Variants in DLEU7 observed in about 807,000 individuals in gnomAD.
DLEU7 encodes the protein deleted in lymphocytic leukemia 7.
Under a neutral mutation model 16.0 loss-of-function variants are expected in DLEU7, and 17 were observed. The ratio of observed to expected loss-of-function variants is 1.06; its 90% CI spans 0.73 to 1.59. The LOEUF is 1.59. Among genes scored for constraint, DLEU7 ranks in the 40% most tolerant of loss-of-function variants. The pLI, the probability that DLEU7 is intolerant of heterozygous loss-of-function variation, is 0.00. For synonymous variants in DLEU7, 113 were observed against 139.8 expected (o/e 0.81, Z 1.35); for missense variants, 308 against 314.9 (o/e 0.98, Z 0.17).
At chr13:50,744,880 C>A (rs921524071) in intron 1 of DLEU7, among the ~76,000 whole-genome samples, 5 of 152,138 alleles carry the variant, frequency 3.3e-5, no homozygotes, top group Non-Finnish European at 7.4e-5. Flanking sequence ...CCACTTCACA[C>A]CTATTAGGAT....
intron 1 of DLEU7, among the ~76,000 whole-genome samples, chr13:50,815,742 C>T (rs1258810137): frequency 1.3e-5 from 2 of 152,130 alleles, no homozygotes; most frequent in Non-Finnish European, 2.9e-5. Flanking sequence ...AATGGTACAA[C>T]ATTTTCCCTA....
chr13:50,750,448 AT>A (rs553788955), intron 1 of DLEU7, among the ~76,000 whole-genome samples: 4 of 151,194 alleles, frequency 2.6e-5, no homozygotes, highest in South Asian at 4.2e-4. Context: ...GAATTTTAGA[AT>A]TTTTTTTTCT....
chr13:50,716,065 A>G (rs903021261), intron 1 of DLEU7, among the ~76,000 whole-genome samples: 2 of 152,264 alleles, frequency 1.3e-5, no homozygotes, highest in African/African-American at 4.8e-5. Flanking sequence ...AGTATTTGTT[A>G]GTAACTGAAA....
intron 1 of DLEU7, among the ~76,000 whole-genome samples, chr13:50,761,255 G>A (rs1453909426): frequency 6.6e-6 from 1 of 152,208 alleles, no homozygotes; most frequent in Non-Finnish European, 1.5e-5. Flanking sequence ...ATGTTTTATA[G>A]AGCTTTAGCA....
At chr13:50,748,228 CTTTTTTTT>C (rs71085044) in intron 1 of DLEU7, among the ~76,000 whole-genome samples, 25 of 89,256 alleles carry the variant, frequency 2.8e-4, no homozygotes, top group South Asian at 1.4e-3. Flanking sequence ...ACTCCTTAAA[CTTTTTTTT>C]TTTTTTTTTT....
chr13:50,786,670 T>C (rs1414293537), intron 1 of DLEU7, among the ~76,000 whole-genome samples: 4 of 152,238 alleles, frequency 2.6e-5, no homozygotes, highest in Admixed American at 2.6e-4. Flanking sequence ...AACCCCATAA[T>C]TTCTCTGTGC....
chr13:50,835,492 G>A (rs113833773), intron 1 of DLEU7, among the ~76,000 whole-genome samples: 40 of 152,304 alleles, frequency 2.6e-4, no homozygotes, highest in African/African-American at 8.7e-4. Flanking sequence ...TGAGTGGTAC[G>A]AAGCTCAAAA....
chr13:50,834,131 C>G (rs1877369704), intron 1 of DLEU7, among the ~76,000 whole-genome samples: 1 of 151,160 alleles, frequency 6.6e-6, no homozygotes, highest in Non-Finnish European at 1.5e-5. Context: ...TAGGCATGGG[C>G]AAAGACTTCA....
At chr13:50,782,384 T>A (rs1204173145) in intron 1 of DLEU7, among the ~76,000 whole-genome samples, 1 of 152,182 alleles carries the variant, frequency 6.6e-6, no homozygotes, top group Non-Finnish European at 1.5e-5. Context: ...ATAGCTCTTT[T>A]CTCAGCATCT....
intron 1 of DLEU7, among the ~76,000 whole-genome samples, chr13:50,767,573 G>A (rs936665845): frequency 6.6e-6 from 1 of 151,780 alleles, no homozygotes. Context: ...AGAGGGAGAA[G>A]CATACTGAAC....
chr13:50,820,485 C>A (rs1044619621), downstream of DLEU7, among the ~76,000 whole-genome samples: 6 of 152,098 alleles, frequency 3.9e-5, no homozygotes, highest in Non-Finnish European at 8.8e-5. Flanking sequence ...AGGAGCAGGG[C>A]AGCCCTGCTT....
chr13:50,792,209 G>A (rs1015977310), intron 1 of DLEU7, among the ~76,000 whole-genome samples: 1 of 152,172 alleles, frequency 6.6e-6, no homozygotes, highest in Non-Finnish European at 1.5e-5. Flanking sequence ...AGTATTTTGT[G>A]TCAAATCAGT....
chr13:50,795,267 C>A (rs73495678), intron 1 of DLEU7, among the ~76,000 whole-genome samples: 2,830 of 152,186 alleles, frequency 0.019, 82 homozygotes, highest in African/African-American at 0.064. Flanking sequence ...GCTCCAGTGG[C>A]CTCCTCCCCA....
At chr13:50,714,605 G>A (rs975880345) in intron 1 of DLEU7, among the ~76,000 whole-genome samples, 1 of 152,098 alleles carries the variant, frequency 6.6e-6, no homozygotes, top group African/African-American at 2.4e-5. Flanking sequence ...TGAAACCATC[G>A]CTCAAATCTT....
intron 1 of DLEU7, among the ~76,000 whole-genome samples, chr13:50,716,978 T>C (rs1285574178): frequency 6.6e-6 from 1 of 152,178 alleles, no homozygotes; most frequent in African/African-American, 2.4e-5. Flanking sequence ...ACATGACGCA[T>C]TTAATTTAAA....
intron 1 of DLEU7, among the ~76,000 whole-genome samples, chr13:50,786,738 T>TC (rs1875802798): frequency 1.3e-5 from 2 of 152,238 alleles, no homozygotes; most frequent in South Asian, 2.1e-4. Context: ...ATTTTTTAAC[T>TC]CTTTGTGTGA....
intron 1 of DLEU7, among the ~76,000 whole-genome samples, chr13:50,774,096 G>T (rs751010605): frequency 6.6e-6 from 1 of 152,152 alleles, no homozygotes; most frequent in East Asian, 1.9e-4. Context: ...TAATTTCCTG[G>T]TGTGCCGTTT....
intron 1 of DLEU7, among the ~76,000 whole-genome samples, chr13:50,807,037 AGAG>A (rs2137786301): frequency 6.6e-6 from 1 of 151,134 alleles, no homozygotes; most frequent in African/African-American, 2.4e-5. Context: ...CCTACTTTTA[AGAG>A]TAGTCTGCCT....
In DLEU7 at chr13:50,823,126, A is replaced by G; in HGVS notation, c.*188T>C. ...TTAAAAATATGAACTACTGCTTTAA[A>G]AAAATTTCATTAACATGCTATAATC... On this transcript the variant is annotated 3_prime_UTR_variant, in exon 2 of 2. Coordinates refer to ENST00000504404, the MANE Select transcript of DLEU7 (RefSeq NM_001306135.2). The G allele has an allele frequency of 1.4e-6, 2 of 1,390,206 alleles. No homozygotes were observed. The highest frequency in any genetic ancestry group is 1.9e-6 in the Non-Finnish European group (2 of 1,073,090). 86.1% of individuals were successfully genotyped at this position (1,390,206 alleles called of 1,614,324 possible).
Sources: allele counts gnomAD v4.1 joint callset (sites outside exome capture counted in the v4.1 genomes callset), GRCh38; gene constraint gnomAD v4.1.1; transcripts MANE v1.5; gene names NCBI Gene and HGNC (gene_info 2026-07-23, HGNC 2026-07-21).